LEPR: variants seen among roughly 807,000 people sequenced by gnomAD.
LEPR encodes OB receptor.
A neutral mutation model predicts 114.7 loss-of-function variants in LEPR; 56 were observed. That is an observed-to-expected ratio of 0.49 (90% CI 0.39 to 0.61). The LOEUF is 0.61. Ranked by LOEUF, LEPR falls within the 20% of genes least tolerant of loss-of-function variation. The pLI is 0.00. For synonymous variants in LEPR, 443 were observed against 461.4 expected, an observed-to-expected ratio of 0.96 and a Z score of 0.51; for missense variants, 1,202 against 1,352.9, an observed-to-expected ratio of 0.89 and a Z score of 1.75.
In LEPR at chr1:65,580,227, T is replaced by G. The variant is rs192482657; in HGVS notation, c.494+7778T>G. The stretch of plus-strand genomic sequence containing the variant: ...GGCAATGTATCTCCAAACAATTAAA[T>G]AGGACTCTAATTCAATGGGTAGAGC... On this transcript the variant is annotated intron_variant, in intron 5 of 19. Coordinates refer to ENST00000349533, the MANE Select transcript of LEPR (RefSeq NM_002303.6). 5.1e-4 allele frequency among the ~76,000 whole-genome samples: 78 copies of G among 152,312 alleles called. No individual in the cohort carries two copies. The East Asian group carries it at 0.014, about 27-fold the overall frequency.
intron 1 of LEPR, chr1:65,421,581 C>A: frequency 8.9e-7 from 1 of 1,128,864 alleles, no homozygotes; most frequent in Non-Finnish European, 1.3e-6. Flanking sequence ...CTGCTATAAA[C>A]ATGTAGATAG....
At chr1:65,622,850 A>C in intron 18 of LEPR, 56 bp from the exon 19 acceptor site, 2 of 1,588,434 alleles carry the variant, frequency 1.3e-6, no homozygotes, top group Non-Finnish European at 1.7e-6. Context: ...CTAACTGTTC[A>C]CATTTTCAAT....
At chr1:65,577,964 C>G (rs1321078588) in intron 5 of LEPR, among the ~76,000 whole-genome samples, 1 of 151,138 alleles carries the variant, frequency 6.6e-6, no homozygotes, top group Non-Finnish European at 1.5e-5. Flanking sequence ...CCTCTAGCCT[C>G]CCACCCCCCT....
chr1:65,616,131 G>C lies in LEPR; in HGVS notation c.2119G>C (p.Glu707Gln). The change falls in exon 15 of 20, where the codon GAG (glutamate) becomes CAG (glutamine). Residue 707 changes from glutamate to glutamine, a missense_variant. Physicochemically the swap from Glu to Gln is conservative, Grantham distance 29. Transcript: ENST00000349533. ...CACGAAATTCACTTTCCTGTGGACA[G>C]AGCAAGCACATACTGTTACGGTTCT... ...NHTKFTFLWTEQAHTVTVLAI... is the reference protein window; with the variant it reads ...NHTKFTFLWTQQAHTVTVLAI... 1 of 1,614,208 alleles carries C rather than the reference G, an allele frequency of 6.2e-7. No homozygotes were observed.
intron 2 of LEPR, among the ~76,000 whole-genome samples, chr1:65,469,372 G>C (rs181753263): frequency 6.6e-6 from 1 of 152,296 alleles, no homozygotes; most frequent in African/African-American, 2.4e-5. Flanking sequence ...AACATCACAG[G>C]GTGTGTTTTG....
chr1:65,606,846 T>G (rs1656843802), intron 11 of LEPR, among the ~76,000 whole-genome samples: 1 of 152,222 alleles, frequency 6.6e-6, no homozygotes, highest in South Asian at 2.1e-4. Context: ...ATAATCATGA[T>G]AAACTTTACA....
At chr1:65,555,643 C>A (rs1373063775) in intron 2 of LEPR, among the ~76,000 whole-genome samples, 2 of 152,080 alleles carry the variant, frequency 1.3e-5, no homozygotes, top group African/African-American at 4.8e-5. Flanking sequence ...ATTATAATTA[C>A]CTTATGATAA....
intron 5 of LEPR, among the ~76,000 whole-genome samples, chr1:65,589,998 A>G (rs999892814): frequency 6.6e-6 from 1 of 151,890 alleles, no homozygotes; most frequent in Non-Finnish European, 1.5e-5. Context: ...TTAAATCTGT[A>G]GATAAATTTG....
At chr1:65,607,748 C>T (rs1370108433) in intron 11 of LEPR, among the ~76,000 whole-genome samples, 1 of 152,092 alleles carries the variant, frequency 6.6e-6, no homozygotes, top group Non-Finnish European at 1.5e-5. Context: ...CTGTTATTGT[C>T]AGGAAGATTG....
chr1:65,488,214 C>CTTTCTTTCTTTCTTTCTTTTTCTT, intron 2 of LEPR, among the ~76,000 whole-genome samples: 1 of 46,794 alleles, frequency 2.1e-5, no homozygotes, highest in South Asian at 1.0e-3. Flanking sequence ...CTTTCTTTCT[C>CTTTCTTTCTTTCTTTCTTTTTCTT]TCTCTCTCTC....
At chr1:65,447,613 A>G (rs563911287) in intron 2 of LEPR, among the ~76,000 whole-genome samples, 37 of 150,304 alleles carry the variant, frequency 2.5e-4, no homozygotes, top group Non-Finnish European at 5.0e-4. Flanking sequence ...CTCACTTGTA[A>G]CTTTGGCCTC....
In LEPR at chr1:65,636,732, A is replaced by G; in HGVS notation, c.3215A>G (p.Asn1072Ser). 6.2e-7 allele frequency: 1 copy of G among 1,610,410 alleles called. No individual in the cohort carries two copies. The highest frequency in any genetic ancestry group is 8.5e-7 in the Non-Finnish European group (1 of 1,178,626). ...KLEGNFPEEN[N>S]DKKSIYYLGV... ...GAGGGAAATTTCCCTGAAGAAAATA[A>G]TGATAAAAAGTCTATCTATTATTTA... Residue 1072 changes from asparagine (N) to serine (S), a missense_variant, in exon 20 of 20, where the codon AAT (asparagine) becomes AGT (serine). Asn to Ser is a conservative substitution (Grantham distance 46, BLOSUM62 1). Transcript: ENST00000349533.
intron 2 of LEPR, among the ~76,000 whole-genome samples, chr1:65,478,839 G>A (rs1647186322): frequency 6.6e-6 from 1 of 152,108 alleles, no homozygotes; most frequent in Non-Finnish European, 1.5e-5. Context: ...TAGGACCAAT[G>A]GAAACTGTAC....
intron 10 of LEPR, among the ~76,000 whole-genome samples, chr1:65,603,783 G>C (rs561723541): frequency 6.6e-6 from 1 of 151,684 alleles, no homozygotes; most frequent in East Asian, 1.9e-4. Context: ...GTGTGGCCTA[G>C]GGAAGCCAAA....
chr1:65,561,531 G>GT lies in LEPR; in HGVS notation c.-20-4009dup, dbSNP rs1396099755. Among the ~76,000 whole-genome samples, 12 of 53,938 alleles carry GT rather than the reference G, an allele frequency of 2.2e-4. 3 individuals carry two copies. In the South Asian group the frequency reaches 0.013, roughly 60 times the overall value. 35.4% of individuals were successfully genotyped at this position (53,938 alleles called of 152,430 possible). On this transcript the variant is annotated intron_variant, in intron 2 of 19. Transcript: ENST00000349533. Reference sequence around the variant, plus strand: ...CCTGGATTCATTGATTTTTTGAAGGGTTTTTTGTGTCTCTATTTCCTTCAG... The same window carrying GT: ...CCTGGATTCATTGATTTTTTGAAGGGTTTTTTTGTGTCTCTATTTCCTTCAG...
intron 2 of LEPR, among the ~76,000 whole-genome samples, chr1:65,458,047 CAACA>C (rs1430854048): frequency 6.6e-6 from 1 of 152,140 alleles, no homozygotes; most frequent in Non-Finnish European, 1.5e-5. Flanking sequence ...TGAAATGTGC[CAACA>C]ATGTGATACT....
intron 5 of LEPR, among the ~76,000 whole-genome samples, chr1:65,590,369 T>C (rs12035604): frequency 0.26 from 39,499 of 149,910 alleles, 6,332 homozygotes; most frequent in East Asian, 0.81. Context: ...TGTGATATGG[T>C]TTGGCCATGT....
rs1553157734 is a variant in LEPR at position 65,488,226 on chromosome 1, C to CTCTCTCTCTCTCTTTCTT, written c.-21+62851_-21+62852insCTCTCTCTCTTTCTTTCT. 2.7e-3 allele frequency among the ~76,000 whole-genome samples: 182 copies of CTCTCTCTCTCTCTTTCTT among 67,742 alleles called. 5 individuals are homozygous for CTCTCTCTCTCTCTTTCTT. Among genetic ancestry groups the CTCTCTCTCTCTCTTTCTT allele is most frequent in the African/African-American group, 5.7e-3 (65 of 11,408 alleles). 44.4% of individuals were successfully genotyped at this position (67,742 alleles called of 152,430 possible). ...TTTCTTTCTTTCTCTCTCTCTCTCT[C>CTCTCTCTCTCTCTTTCTT]TCTTTCTTTCTTTCTTTCTTTCTTT... On this transcript the variant is annotated intron_variant, in intron 2 of 19. Coordinates refer to ENST00000349533, the MANE Select transcript of LEPR (RefSeq NM_002303.6).
In LEPR at chr1:65,641,230, T is replaced by C. The variant is rs1644865098; in HGVS notation, c.*4215T>C. ...TTATGAGGCTTTCTGACATATTTACTAAAAAAACCTGGAACTGAGACTGAA... is the reference window on the plus strand; with the variant it reads ...TTATGAGGCTTTCTGACATATTTACCAAAAAAACCTGGAACTGAGACTGAA... On this transcript the variant is annotated 3_prime_UTR_variant, in exon 20 of 20. Transcript: ENST00000349533. 1 of 152,204 alleles carries C rather than the reference T, an allele frequency of 6.6e-6. No homozygotes were observed. The highest frequency in any genetic ancestry group is 2.1e-4 in the South Asian group (1 of 4,826). The allele number at this position is 152,204 out of a possible 1,614,324, so 9.4% of individuals were successfully genotyped here.
Sources: gnomAD v4.1 joint callset for allele counts (sites outside exome capture counted in the v4.1 genomes callset) on GRCh38, gnomAD v4.1.1 for gene constraint, MANE v1.5 for transcripts, NCBI Gene and HGNC (gene_info 2026-07-23, HGNC 2026-07-21) for gene names.